The following SH3BGRL variants were observed in gnomAD, a reference collection of about 807,000 sequenced individuals.
SH3BGRL encodes the protein adapter SH3BGRL.
In SH3BGRL, 7 loss-of-function variants were observed where a neutral mutation model predicts 9.8. The observed-to-expected ratio is 0.72, with a 90% CI of 0.41 to 1.35. The LOEUF is 1.35. Among genes scored for constraint, SH3BGRL ranks in the 40% most tolerant of loss-of-function variants. The pLI is 0.01. For missense variants in SH3BGRL, 73 were observed against 84.4 expected (o/e 0.86, Z 0.53); for synonymous variants, 36 against 29.1 (o/e 1.24, Z -0.76).
At chrX:81,290,687 AAATT>A (rs2075854933) in intron 3 of SH3BGRL, among the ~76,000 whole-genome samples, 1 of 111,051 alleles carries the variant, frequency 9.0e-6, no homozygotes, top group African/African-American at 3.3e-5. Flanking sequence ...GGTCAAAAAT[AAATT>A]AATTGTATAC....
rs2075882361 is a variant in SH3BGRL, at chrX:81,298,258, T to A, written c.*1031T>A. On this transcript the variant is annotated 3_prime_UTR_variant, in exon 4 of 4. Coordinates refer to ENST00000373212, the MANE Select transcript of SH3BGRL (RefSeq NM_003022.3). ...TCTATGCCTCTATTCCAGCAAAAAG[T>A]AGAAGTATCAAATAAAAAGGGCAAC... is the stretch of plus-strand genomic sequence containing the variant. 9.0e-6 allele frequency: 1 copy of A among 111,478 alleles called. No homozygotes were observed. The highest frequency in any genetic ancestry group is 1.9e-5 in the Non-Finnish European group (1 of 52,844). The allele number at this position is 111,478 out of a possible 1,213,427, so 9.2% of individuals were successfully genotyped here. A position where few individuals can be genotyped will look rare whatever the true frequency, so the allele number is the denominator to read the frequency against.
chrX:81,250,860 T>C (rs1335060204), intron 1 of SH3BGRL, among the ~76,000 whole-genome samples: 1 of 112,164 alleles, frequency 8.9e-6, no homozygotes, highest in Non-Finnish European at 1.9e-5. Flanking sequence ...CAAATATACC[T>C]GGTCCCCGTG....
In SH3BGRL at chrX:81,286,524, AG is replaced by A. The variant is rs1247105306; in HGVS notation, c.312+8114del. The stretch of plus-strand genomic sequence containing the variant: ...AAAAAAAAAAAAAAAAAAAAAAAAA[AG>A]AGAGGGGAAAAGCAGGAAAGAAGGA... On this transcript the variant is annotated intron_variant, in intron 3 of 3. Coordinates refer to ENST00000373212, the MANE Select transcript of SH3BGRL (RefSeq NM_003022.3). Among the ~76,000 whole-genome samples the A allele has an allele frequency of 1.1e-3, 103 of 92,727 alleles. 2 individuals are homozygous for A. The highest frequency in any genetic ancestry group is 3.7e-3 in the African/African-American group (98 of 26,251). 80.5% of individuals were successfully genotyped at this position (92,727 alleles called of 115,157 possible).
At chrX:81,275,741 C>G (rs111819751) in intron 1 of SH3BGRL, among the ~76,000 whole-genome samples, 3,966 of 111,670 alleles carry the variant, frequency 0.036, 81 homozygotes, top group Non-Finnish European at 0.056. Flanking sequence ...TAAAGAGGGA[C>G]ATTCAGTACC....
chrX:81,268,037 T>C (rs1338976122), intron 1 of SH3BGRL, among the ~76,000 whole-genome samples: 1 of 112,148 alleles, frequency 8.9e-6, no homozygotes, highest in African/African-American at 3.2e-5. Context: ...TGGTAGTTTG[T>C]ATTTCTGTGG....
intron 3 of SH3BGRL, among the ~76,000 whole-genome samples, chrX:81,285,642 A>C (rs1297581105): frequency 8.9e-6 from 1 of 112,151 alleles, no homozygotes; most frequent in African/African-American, 3.2e-5. Context: ...AATGGACTTT[A>C]TGGATAAAAT....
At chrX:81,208,083 C>T (rs1434762564) in intron 1 of SH3BGRL, among the ~76,000 whole-genome samples, 2 of 110,537 alleles carry the variant, frequency 1.8e-5, no homozygotes, top group East Asian at 5.7e-4. Flanking sequence ...GGTGAGACCC[C>T]GTCTCTACTA....
intron 1 of SH3BGRL, among the ~76,000 whole-genome samples, chrX:81,272,195 CAAA>C (rs11380632): frequency 9.4e-5 from 7 of 74,826 alleles, no homozygotes; most frequent in Admixed American, 3.4e-4. Flanking sequence ...AGACTGCGTC[CAAA>C]AAAAAAAAAA....
intron 1 of SH3BGRL, chrX:81,255,641 A>G (rs1602613627): frequency 8.9e-6 from 1 of 112,436 alleles, no homozygotes; most frequent in Middle Eastern, 4.6e-3. Flanking sequence ...GGCTTGCTTC[A>G]CAGTGAGTGT....
At chrX:81,204,070 A>G (rs1401780126) in intron 1 of SH3BGRL, among the ~76,000 whole-genome samples, 1 of 111,358 alleles carries the variant, frequency 9.0e-6, no homozygotes, top group African/African-American at 3.3e-5. Flanking sequence ...TTCAGTGTCT[A>G]TTCTTCCCAT....
At chrX:81,273,432 G>T (rs778293993) in intron 1 of SH3BGRL, among the ~76,000 whole-genome samples, 4 of 111,923 alleles carry the variant, frequency 3.6e-5, no homozygotes. Context: ...AAGGGATCAC[G>T]CCTATTTATC....
At chrX:81,254,913 A>G (rs865958545) in intron 1 of SH3BGRL, among the ~76,000 whole-genome samples, 1 of 92,366 alleles carries the variant, frequency 1.1e-5, no homozygotes, top group Non-Finnish European at 2.1e-5. Flanking sequence ...TTTTTTTGAT[A>G]TGGAGTCTCG....
At chrX:81,212,557 T>C (rs903873519) in intron 1 of SH3BGRL, among the ~76,000 whole-genome samples, 2 of 112,292 alleles carry the variant, frequency 1.8e-5, no homozygotes, top group African/African-American at 6.5e-5. Flanking sequence ...GATTTTTTAT[T>C]AGATCTTTAA....
intron 1 of SH3BGRL, among the ~76,000 whole-genome samples, chrX:81,208,084 G>A (rs1055515826): frequency 9.0e-6 from 1 of 110,696 alleles, no homozygotes; most frequent in East Asian, 2.8e-4. Flanking sequence ...GTGAGACCCC[G>A]TCTCTACTAA....
In SH3BGRL at chrX:81,278,330, G is replaced by A. The variant is rs753400033; in HGVS notation, c.232-1G>A. ...ATTCATCTTATCTTCTTTTCATCAA[G>A]GACTATGATGCCTTCTTTGAAGCCA... is the stretch of plus-strand genomic sequence containing the variant. On this transcript the variant is annotated splice_acceptor_variant, in intron 2 of 3. Coordinates refer to ENST00000373212, the MANE Select transcript of SH3BGRL (RefSeq NM_003022.3). LOFTEE classifies it high-confidence loss of function. 1 of 1,165,247 alleles carries A rather than the reference G, an allele frequency of 8.6e-7. No homozygotes were observed. The highest frequency in any genetic ancestry group is 1.9e-5 in the South Asian group (1 of 53,096).
At position 81,256,369 on chromosome X, in the gene SH3BGRL, C is replaced by G. The variant is rs2075725510; in HGVS notation, c.46-20615C>G. 2.7e-5 allele frequency among the ~76,000 whole-genome samples: 3 copies of G among 111,941 alleles called. No individual in the cohort carries two copies. The Admixed American group carries it at 2.8e-4, about 11-fold the overall frequency. ...CTTAGCGCTCCAGAAATATATTGCT[C>G]CACAGTATTTAACTGCCAGTCAACT... On this transcript the variant is annotated intron_variant, in intron 1 of 3. Transcript: ENST00000373212.
At chrX:81,208,032 G>T (rs977463836) in intron 1 of SH3BGRL, among the ~76,000 whole-genome samples, 1 of 111,494 alleles carries the variant, frequency 9.0e-6, no homozygotes, top group African/African-American at 3.3e-5. Flanking sequence ...CGAGCTAGGC[G>T]GATCACGAGG....
intron 1 of SH3BGRL, among the ~76,000 whole-genome samples, chrX:81,229,689 T>C (rs2075627207): frequency 9.0e-6 from 1 of 111,667 alleles, no homozygotes; most frequent in East Asian, 2.9e-4. Context: ...ACTAGTGTGT[T>C]CCTTTCAACA....
At chrX:81,289,352 T>C (rs2075848666) in intron 3 of SH3BGRL, among the ~76,000 whole-genome samples, 2 of 111,581 alleles carry the variant, frequency 1.8e-5, no homozygotes, top group African/African-American at 3.3e-5. Context: ...CTCCAGGACA[T>C]TGATCTGGGC....
Sources: allele counts gnomAD v4.1 joint callset (sites outside exome capture counted in the v4.1 genomes callset), GRCh38; gene constraint gnomAD v4.1.1; transcripts MANE v1.5; gene names NCBI Gene and HGNC (gene_info 2026-07-23, HGNC 2026-07-21).